Variants in BMPR1B observed in about 807,000 individuals in gnomAD.
The protein encoded by BMPR1B is bone morphogenetic protein receptor type-1B.
In BMPR1B, 12 loss-of-function variants were observed where a neutral mutation model predicts 59.1. That is an observed-to-expected ratio of 0.20 (90% CI 0.13 to 0.33). The LOEUF (loss-of-function observed/expected upper bound fraction) is 0.33, where lower values mean the gene tolerates loss of function less well. BMPR1B is among the 10% of genes least tolerant of loss of function. The probability of loss-of-function intolerance (pLI) is 1.00; values close to 1 mark genes in which losing one functional copy is unlikely to be tolerated. For missense variants in BMPR1B, 550 were observed against 610.9 expected, an observed-to-expected ratio of 0.90 and a Z score of 1.05; for synonymous variants, 237 against 207.3, an observed-to-expected ratio of 1.14 and a Z score of -1.23.
intron 10 of BMPR1B, among the ~76,000 whole-genome samples, chr4:95,135,874 CT>C (rs1463366551): frequency 6.6e-6 from 1 of 152,086 alleles, no homozygotes; most frequent in African/African-American, 2.4e-5. Flanking sequence ...TGCTGGATTG[CT>C]TTGGCCAGAA....
chr4:95,121,116 G>A (rs1732492572), intron 6 of BMPR1B, among the ~76,000 whole-genome samples: 1 of 152,050 alleles, frequency 6.6e-6, no homozygotes, highest in Non-Finnish European at 1.5e-5. Flanking sequence ...CCAGTCAGTA[G>A]CATTTCTATA....
intron 3 of BMPR1B, among the ~76,000 whole-genome samples, chr4:95,097,988 G>T (rs539088153): frequency 1.4e-3 from 206 of 152,108 alleles, no homozygotes; most frequent in African/African-American, 4.9e-3. Context: ...ACAAAATCAA[G>T]TAAAATGAGG....
At chr4:95,114,648 ACACACACACACACACACACACTGACT>A in intron 4 of BMPR1B, 46 bp from the exon 5 acceptor site, 4 of 1,128,292 alleles carry the variant, frequency 3.5e-6, no homozygotes, top group Non-Finnish European at 5.2e-6. Flanking sequence ...TCCCCTAGAC[ACACACACACACACACACACACTGACT>A]CACACACACA....
intron 2 of BMPR1B, among the ~76,000 whole-genome samples, chr4:94,901,787 GTGTGTATCCTC>G (rs1052671109): frequency 2.0e-5 from 3 of 152,078 alleles, no homozygotes; most frequent in Admixed American, 6.6e-5. Flanking sequence ...AGCAGAAAAT[GTGTGTATCCTC>G]TGACCCAACA....
Position 94,880,635 on chromosome 4 carries a change from A to ATTTTTT in BMPR1B, c.-113+4751_-113+4756dup, listed in dbSNP as rs35455973. Among the ~76,000 whole-genome samples, 118 of 125,238 alleles carry ATTTTTT rather than the reference A, an allele frequency of 9.4e-4. 2 individuals carry two copies. The highest frequency in any genetic ancestry group is 1.2e-3 in the African/African-American group (37 of 31,430). 82.2% of individuals were successfully genotyped at this position (125,238 alleles called of 152,430 possible). A position where few individuals can be genotyped will look rare whatever the true frequency, so the allele number is the denominator to read the frequency against. ...TCACTGCGCCTGACCATTAAAATGA[A>ATTTTTT]TTTTTTTTTTTTTTTTTTTTTGAGA... On this transcript the variant is annotated intron_variant, in intron 2 of 12. Transcript: ENST00000515059.
At chr4:95,116,893 G>A (rs1732110969) in intron 6 of BMPR1B, among the ~76,000 whole-genome samples, 1 of 151,706 alleles carries the variant, frequency 6.6e-6, no homozygotes, top group African/African-American at 2.4e-5. Context: ...TTTAATTGTG[G>A]CAGGCAACAT....
At chr4:95,120,665 T>A (rs1352750775) in intron 6 of BMPR1B, among the ~76,000 whole-genome samples, 3 of 144,832 alleles carry the variant, frequency 2.1e-5, no homozygotes, top group African/African-American at 7.7e-5. Flanking sequence ...CTTCCTTCCT[T>A]CTTCTTTCTT....
chr4:94,859,157 G>A (rs1001127587), intron 1 of BMPR1B, among the ~76,000 whole-genome samples: 12 of 152,176 alleles, frequency 7.9e-5, no homozygotes, highest in African/African-American at 2.9e-4. Context: ...AACTAAATTG[G>A]GAGATGAGAG....
chr4:94,821,391 AT>A (rs1447959658), intron 1 of BMPR1B, among the ~76,000 whole-genome samples: 2 of 152,124 alleles, frequency 1.3e-5, no homozygotes, highest in African/African-American at 4.8e-5. Context: ...TCAGAAAATA[AT>A]TTTTGCTAGA....
intron 2 of BMPR1B, among the ~76,000 whole-genome samples, chr4:94,970,239 TTCTTCTCTTCTCTTCTCTTC>T (rs10591546): frequency 0.02 from 2,585 of 127,426 alleles, 118 homozygotes; most frequent in Admixed American, 0.11. Flanking sequence ...CTGTTTGTTT[TTCTTCTCTTCTCTTCTCTTC>T]TCTTCTCTTC....
chr4:95,153,469 G>GAA (rs201486093), intron 12 of BMPR1B, among the ~76,000 whole-genome samples: 1 of 149,754 alleles, frequency 6.7e-6, no homozygotes, highest in African/African-American at 2.5e-5. Flanking sequence ...AGCACCACTG[G>GAA]AAAAAAAAAC....
intron 1 of BMPR1B, among the ~76,000 whole-genome samples, chr4:94,794,416 C>T (rs1482032941): frequency 6.6e-5 from 10 of 150,682 alleles, no homozygotes; most frequent in Non-Finnish European, 1.2e-4. Flanking sequence ...GTTTTGGTAA[C>T]TGTAGCCTTG....
chr4:95,121,362 T>C (rs1375566933), intron 6 of BMPR1B, among the ~76,000 whole-genome samples: 1 of 152,164 alleles, frequency 6.6e-6, no homozygotes, highest in East Asian at 1.9e-4. Flanking sequence ...TTCCTAGATG[T>C]TTTGATCTGG....
At chr4:95,019,823 C>T (rs1407666068) in intron 3 of BMPR1B, among the ~76,000 whole-genome samples, 1 of 152,180 alleles carries the variant, frequency 6.6e-6, no homozygotes, top group Non-Finnish European at 1.5e-5. Flanking sequence ...CCTGTACTTA[C>T]TCCTAGCTGT....
intron 2 of BMPR1B, among the ~76,000 whole-genome samples, chr4:94,951,307 A>G (rs549788148): frequency 2.0e-5 from 3 of 152,260 alleles, no homozygotes; most frequent in Admixed American, 6.5e-5. Flanking sequence ...TTCCAATACT[A>G]TGTTGAATAG....
chr4:94,796,458 T>A (rs1723199589), intron 1 of BMPR1B, among the ~76,000 whole-genome samples: 1 of 152,188 alleles, frequency 6.6e-6, no homozygotes, highest in Non-Finnish European at 1.5e-5. Context: ...AGTGTTAATA[T>A]TGAACAAAAT....
chr4:94,917,905 C>CT (rs570844047), intron 2 of BMPR1B, among the ~76,000 whole-genome samples: 81 of 152,268 alleles, frequency 5.3e-4, no homozygotes, highest in African/African-American at 1.9e-3. Context: ...CCCCTCATGA[C>CT]TTGATGCTGT....
chr4:94,868,910 T>C (rs1726364006), intron 1 of BMPR1B, among the ~76,000 whole-genome samples: 1 of 152,206 alleles, frequency 6.6e-6, no homozygotes, highest in South Asian at 2.1e-4. Flanking sequence ...TAACTGCTAG[T>C]TTCTTCTATG....
rs1408842614 is a variant in BMPR1B at position 95,148,958 on chromosome 4, T to C, written c.1252+35T>C. On this transcript the variant is annotated intron_variant, in intron 11 of 12. Transcript: ENST00000515059. Reference sequence around the variant, plus strand: ...AGTGCTGTCTTTGAAAAGCTACTATTGGAGCTACTATAAATCCTTTCTTTC... The same window carrying C: ...AGTGCTGTCTTTGAAAAGCTACTATCGGAGCTACTATAAATCCTTTCTTTC... The C allele has an allele frequency of 1.9e-6, 3 of 1,607,858 alleles. No individual in the cohort carries two copies. The African/African-American group carries it at 4.0e-5, about 22-fold the overall frequency.
Sources: allele counts gnomAD v4.1 joint callset (sites outside exome capture counted in the v4.1 genomes callset), GRCh38; gene constraint gnomAD v4.1.1; transcripts MANE v1.5; gene names NCBI Gene and HGNC (gene_info 2026-07-23, HGNC 2026-07-21).